The following ADGB variants were observed in gnomAD, a reference collection of about 807,000 sequenced individuals.
ADGB encodes the protein androglobin.
In ADGB, 172 loss-of-function variants were observed where a neutral mutation model predicts 210.5. The ratio of observed to expected loss-of-function variants is 0.82; its 90% confidence interval spans 0.72 to 0.93. ADGB has a LOEUF of 0.93. Ranked by LOEUF, ADGB falls within the 40% of genes least tolerant of loss-of-function variation. The pLI is 0.00. For synonymous variants in ADGB, 658 were observed against 662.7 expected, an observed-to-expected ratio of 0.99 and a Z score of 0.11; for missense variants, 2,025 against 1,964.8, an observed-to-expected ratio of 1.03 and a Z score of -0.58.
chr6:146,640,557 T>C (rs911472930), intron 2 of ADGB, among the ~76,000 whole-genome samples: 2 of 152,022 alleles, frequency 1.3e-5, no homozygotes, highest in Admixed American at 6.6e-5. Context: ...AAAAAGCTAA[T>C]CCAACATGAT....
chr6:146,726,446 A>G (rs1008706605), intron 19 of ADGB, among the ~76,000 whole-genome samples: 4 of 152,096 alleles, frequency 2.6e-5, no homozygotes, highest in Non-Finnish European at 4.4e-5. Flanking sequence ...GCTAGTCTCA[A>G]ACTCCTGACC....
At chr6:146,745,878 A>G in intron 25 of ADGB, 44 bp from the exon 26 acceptor site, 1 of 1,442,284 alleles carries the variant, frequency 6.9e-7, no homozygotes, top group Non-Finnish European at 9.4e-7. Context: ...TCGATAGAAT[A>G]ATAACGACAT....
In ADGB at chr6:146,733,189, T is replaced by C; in HGVS notation, c.2590T>C (p.Phe864Leu). The part of the protein sequence containing the change: ...QITKPPPNFK[F>L]AFRAMVLDLE... ...AACAAAACCTCCTCCAAACTTCAAA[T>C]TTGCATTCCGGGCTATGGTTTTGGA... Residue 864 changes from phenylalanine (F) to leucine (L), a missense_variant, in exon 21 of 36, where the codon TTT (phenylalanine) becomes CTT (leucine). By Grantham distance (22) the Phe-to-Leu change is conservative (BLOSUM62 0). Transcript: ENST00000397944. 4 of 1,543,756 alleles carry C rather than the reference T, an allele frequency of 2.6e-6. No homozygotes were observed. Among genetic ancestry groups the C allele is most frequent in the Non-Finnish European group, 3.5e-6 (4 of 1,142,370 alleles).
chr6:146,670,102 C>T (rs2114900354), intron 7 of ADGB, among the ~76,000 whole-genome samples: 1 of 152,236 alleles, frequency 6.6e-6, no homozygotes, highest in Non-Finnish European at 1.5e-5. Flanking sequence ...GCATTATTAC[C>T]ATCCTAGTTC....
chr6:146,707,881 A>AT (rs1034335394), intron 13 of ADGB, among the ~76,000 whole-genome samples: 3 of 151,618 alleles, frequency 2.0e-5, no homozygotes, highest in Non-Finnish European at 3.0e-5. Flanking sequence ...TATTTCATTA[A>AT]TTTTTTTCTG....
At chr6:146,763,820 T>A in intron 27 of ADGB, 81 bp from the exon 28 acceptor site, 2 of 1,218,772 alleles carry the variant, frequency 1.6e-6, no homozygotes, top group Admixed American at 5.3e-5. Context: ...GAGTGTTTTA[T>A]AAAGGAATGT....
At chr6:146,654,915 A>G (rs377489524) in intron 4 of ADGB, among the ~76,000 whole-genome samples, 1 of 152,112 alleles carries the variant, frequency 6.6e-6, no homozygotes, top group South Asian at 2.1e-4. Context: ...TCCATAACTT[A>G]TCTTTCAGAA....
chr6:146,682,839 T>A (rs1043985851), intron 9 of ADGB, among the ~76,000 whole-genome samples: 2 of 152,110 alleles, frequency 1.3e-5, no homozygotes, highest in South Asian at 2.1e-4. Flanking sequence ...GCTAATAAAC[T>A]TTTTTGAAAA....
chr6:146,599,222 T>A, intron 1 of ADGB, 108 bp downstream of exon 1: 2 of 976,566 alleles, frequency 2.0e-6, no homozygotes, highest in Non-Finnish European at 3.2e-6. Context: ...AGAAGTTTAG[T>A]GGCCTCCTCG....
chr6:146,734,098 G>T, intron 22 of ADGB, 68 bp downstream of exon 22: 1 of 1,477,178 alleles, frequency 6.8e-7, no homozygotes, highest in Non-Finnish European at 9.1e-7. Context: ...GTGTGTTAAT[G>T]AAAGTATTTT....
intron 2 of ADGB, among the ~76,000 whole-genome samples, chr6:146,636,786 G>T (rs148846434): frequency 1.3e-5 from 2 of 151,954 alleles, no homozygotes; most frequent in South Asian, 2.1e-4. Context: ...TGCATGAAAT[G>T]GTTGCATGGT....
intron 1 of ADGB, among the ~76,000 whole-genome samples, chr6:146,615,119 G>A (rs1225577442): frequency 1.3e-5 from 2 of 151,784 alleles, no homozygotes; most frequent in Admixed American, 6.6e-5. Context: ...TGTTAGCCAG[G>A]ATGGTCTCGA....
At chr6:146,752,745 G>C (rs894575090) in intron 27 of ADGB, 31 bp downstream of exon 27, 52 of 1,471,496 alleles carry the variant, frequency 3.5e-5, no homozygotes, top group Admixed American at 5.3e-5. Flanking sequence ...AGGATAGTTA[G>C]ATTCATAAAT....
chr6:146,683,788 A>C (rs1350818055), intron 9 of ADGB, among the ~76,000 whole-genome samples: 1 of 152,100 alleles, frequency 6.6e-6, no homozygotes, highest in Non-Finnish European at 1.5e-5. Flanking sequence ...CTTTATTTTT[A>C]ATATCATAAG....
intron 12 of ADGB, among the ~76,000 whole-genome samples, chr6:146,700,528 G>A (rs138999335): frequency 3.4e-4 from 52 of 152,216 alleles, no homozygotes; most frequent in South Asian, 1.2e-3. Flanking sequence ...TGTATGCTCG[G>A]GTAGCTGGTA....
intron 1 of ADGB, among the ~76,000 whole-genome samples, chr6:146,625,854 G>GT (rs556974856): frequency 2.2e-4 from 33 of 151,578 alleles, no homozygotes; most frequent in African/African-American, 5.6e-4. Flanking sequence ...GTTAGATCTT[G>GT]TTTTTTTTAA....
At chr6:146,693,550 A>G (rs28379175) in intron 12 of ADGB, among the ~76,000 whole-genome samples, 3,800 of 152,280 alleles carry the variant, frequency 0.025, 158 homozygotes, top group African/African-American at 0.085. Flanking sequence ...CAGCCCGAGC[A>G]AACAAATACG....
At chr6:146,630,887 G>A (rs898441988) in intron 1 of ADGB, among the ~76,000 whole-genome samples, 2 of 152,110 alleles carry the variant, frequency 1.3e-5, no homozygotes, top group African/African-American at 4.8e-5. Flanking sequence ...ATGGGTTCCT[G>A]GATGGCTTAT....
intron 1 of ADGB, among the ~76,000 whole-genome samples, chr6:146,607,959 C>T (rs957218119): frequency 2.6e-5 from 4 of 152,056 alleles, no homozygotes; most frequent in South Asian, 4.2e-4. Context: ...GTGTTGGAAT[C>T]GTTTCAGTAG....
Sources: allele counts gnomAD v4.1 joint callset (sites outside exome capture counted in the v4.1 genomes callset), GRCh38; gene constraint gnomAD v4.1.1; transcripts MANE v1.5; gene names NCBI Gene and HGNC (gene_info 2026-07-23, HGNC 2026-07-21).